The following TIAM1 variants were observed in gnomAD, a reference collection of about 807,000 sequenced individuals.
TIAM1 encodes TIAM Rac1 associated GEF 1.
Under a neutral mutation model 163.5 loss-of-function variants are expected in TIAM1, and 65 were observed. The observed-to-expected ratio is 0.40, with a 90% CI of 0.33 to 0.49. The LOEUF (loss-of-function observed/expected upper bound fraction) is 0.49. TIAM1 is among the 20% of genes least tolerant of loss of function. The pLI is 0.77. For synonymous variants in TIAM1, 833 were observed against 810.1 expected (o/e 1.03, Z -0.48); for missense variants, 1,789 against 2,044.7 (o/e 0.87, Z 2.41).
intron 1 of TIAM1, among the ~76,000 whole-genome samples, chr21:31,475,346 G>A (rs1025099211): frequency 1.3e-5 from 2 of 152,060 alleles, no homozygotes; most frequent in African/African-American, 4.8e-5. Flanking sequence ...CTGATTACAG[G>A]AGTAAGCCAC....
rs143081202 is a variant in TIAM1 at position 31,191,963 on chromosome 21, AG to A, written c.2575+3260del. The stretch of plus-strand genomic sequence containing the variant: ...AAAATTAAGTAAACTGAAGAGAAAA[AG>A]AATAATCATTATGGAGCATCTAATT... On this transcript the variant is annotated intron_variant, in intron 13 of 27. Coordinates refer to ENST00000541036, the MANE Select transcript of TIAM1 (RefSeq NM_001353694.2). Among the ~76,000 whole-genome samples, 702 of 152,296 alleles carry A rather than the reference AG, an allele frequency of 4.6e-3. 6 individuals carry two copies. The highest frequency in any genetic ancestry group is 0.016 in the African/African-American group (649 of 41,558).
In TIAM1 at chr21:31,152,463, G is replaced by A. The variant is rs59107776; in HGVS notation, c.3366+173C>T. Among the ~76,000 whole-genome samples, 717 of 152,308 alleles carry A rather than the reference G, an allele frequency of 4.7e-3. 6 individuals are homozygous for A. The highest frequency in any genetic ancestry group is 0.016 in the African/African-American group (684 of 41,562). ...TGCACCAGTTTAATGCAAATTGATG[G>A]CATTGGGCTTCCCTTAGCCAGACCA... On this transcript the variant is annotated intron_variant, in intron 19 of 27. Coordinates refer to ENST00000541036, the MANE Select transcript of TIAM1 (RefSeq NM_001353694.2).
Position 31,266,309 on chromosome 21 carries a change from G to A in TIAM1, c.664C>T (p.Gln222Ter). The change falls in exon 4 of 28, where the codon CAG becomes TAG. Residue 222 changes from glutamine (Q) to a stop codon, truncating the protein, a stop_gained. Transcript: ENST00000541036. LOFTEE classifies it high-confidence loss of function. ...RGMETRASPRQLSTCQRANSL... is the reference protein window; with the variant it reads ...RGMETRASPR ...TTGGCTCTCTGACAGGTGCTGAGCT[G>A]CCGCGGACTCGCCCGCGTTTCCATC... 6.2e-7 allele frequency: 1 copy of A among 1,614,226 alleles called. No individual in the cohort carries two copies. The highest frequency in any genetic ancestry group is 8.5e-7 in the Non-Finnish European group (1 of 1,180,048).
intron 1 of TIAM1, among the ~76,000 whole-genome samples, 190 bp downstream of exon 1, chr21:31,343,948 C>T (rs981860460): frequency 1.1e-4 from 16 of 152,322 alleles, no homozygotes; most frequent in Admixed American, 8.5e-4. Context: ...AGCCTCGGGG[C>T]GCAGCTTGGA....
intron 1 of TIAM1, among the ~76,000 whole-genome samples, chr21:31,492,196 T>C (rs1364856823): frequency 1.3e-5 from 2 of 152,196 alleles, no homozygotes; most frequent in Non-Finnish European, 2.9e-5. Flanking sequence ...AGCTGGGAAC[T>C]ACATCAGGTA....
At chr21:31,544,719 A>G (rs2048432668) in intron 1 of TIAM1, among the ~76,000 whole-genome samples, 1 of 151,758 alleles carries the variant, frequency 6.6e-6, no homozygotes, top group African/African-American at 2.4e-5. Context: ...AAAAAAAGAT[A>G]TGTCAAAATC....
At chr21:31,434,719 G>A (rs747222286) in intron 2 of TIAM1, among the ~76,000 whole-genome samples, 2 of 152,100 alleles carry the variant, frequency 1.3e-5, no homozygotes, top group Non-Finnish European at 2.9e-5. Context: ...AGTCCCAAAC[G>A]CGATAGCTCA....
Position 31,141,132 on chromosome 21 carries a change from CA to C in TIAM1, c.3759del (p.Gly1254ValfsTer9). The C allele has an allele frequency of 6.2e-7, 1 of 1,612,570 alleles. No homozygotes were observed. Among genetic ancestry groups the C allele is most frequent in the East Asian group, 2.2e-5 (1 of 44,874 alleles). On this transcript the variant is annotated frameshift_variant, in exon 22 of 28. Transcript: ENST00000541036. LOFTEE classifies it high-confidence loss of function. The surrounding 1 kb of genome is among the most constrained non-coding windows in gnomAD (Gnocchi z 4.7). Reference protein sequence around the residue: ...AVFDQLIAEQTGEKKEVADLS... With the variant: ...AVFDQLIAEQXGEKKEVADLS... ...GGGACCCTCACCTCTTTTTTCTCAC[CA>C]GTCTGTTCAGCAATCAGCTGGTCAA...
At chr21:31,340,242 C>A (rs2075973293) in intron 1 of TIAM1, among the ~76,000 whole-genome samples, 1 of 151,648 alleles carries the variant, frequency 6.6e-6, no homozygotes, top group Admixed American at 6.6e-5. Flanking sequence ...TCCTTATACC[C>A]TAGGACCTTG....
intron 2 of TIAM1, among the ~76,000 whole-genome samples, chr21:31,390,300 T>G (rs1292100155): frequency 6.6e-6 from 1 of 152,210 alleles, no homozygotes; most frequent in East Asian, 1.9e-4. Flanking sequence ...CTAAAGCAAT[T>G]TGAGAATCTC....
chr21:31,373,055 C>CAAA (rs71193110), intron 2 of TIAM1, among the ~76,000 whole-genome samples: 15 of 104,666 alleles, frequency 1.4e-4, no homozygotes, highest in African/African-American at 4.4e-4. Flanking sequence ...AACTCTGTCT[C>CAAA]AAAAAAAAAA....
chr21:31,261,043 T>TTA (rs1601741581), intron 4 of TIAM1, among the ~76,000 whole-genome samples: 1 of 151,210 alleles, frequency 6.6e-6, no homozygotes, highest in East Asian at 1.9e-4. Flanking sequence ...AAACAAAACT[T>TTA]TAAACATCAA....
intron 1 of TIAM1, among the ~76,000 whole-genome samples, chr21:31,535,082 CCT>C (rs1569418395): frequency 7.2e-6 from 1 of 138,382 alleles, no homozygotes; most frequent in African/African-American, 2.7e-5. Context: ...AGAGGAAGAC[CCT>C]GTCTCAAAAA....
At chr21:31,382,567 T>C (rs903195362) in intron 2 of TIAM1, among the ~76,000 whole-genome samples, 1 of 152,164 alleles carries the variant, frequency 6.6e-6, no homozygotes, top group Non-Finnish European at 1.5e-5. Context: ...AAAGACTGAC[T>C]ACCTCCAATG....
intron 2 of TIAM1, among the ~76,000 whole-genome samples, chr21:31,313,858 T>A (rs2075017318): frequency 6.6e-6 from 1 of 152,238 alleles, no homozygotes; most frequent in Non-Finnish European, 1.5e-5. Flanking sequence ...ATTACAGGCA[T>A]GAGCCACTGT....
chr21:31,291,960 G>T (rs1316222138), intron 2 of TIAM1, among the ~76,000 whole-genome samples: 1 of 152,104 alleles, frequency 6.6e-6, no homozygotes, highest in Non-Finnish European at 1.5e-5. Context: ...CACCTCCTGG[G>T]ATTATCCTAC....
intron 2 of TIAM1, among the ~76,000 whole-genome samples, chr21:31,425,768 C>T (rs755905727): frequency 1.1e-4 from 17 of 151,820 alleles, no homozygotes; most frequent in Non-Finnish European, 1.6e-4. Flanking sequence ...GAGATCTCAG[C>T]TCATTGCAAC....
chr21:31,557,524 A>G (rs2048921551), intron 1 of TIAM1, among the ~76,000 whole-genome samples: 1 of 152,178 alleles, frequency 6.6e-6, no homozygotes, highest in Non-Finnish European at 1.5e-5. Flanking sequence ...GGGATCACCC[A>G]GCTTGTGAGT....
chr21:31,423,577 T>C (rs563766686), intron 2 of TIAM1, among the ~76,000 whole-genome samples: 44 of 151,930 alleles, frequency 2.9e-4, no homozygotes, highest in African/African-American at 9.9e-4. Context: ...GCCTGTGAGC[T>C]CTCTGCAGCC....
Sources: allele counts gnomAD v4.1 joint callset (sites outside exome capture counted in the v4.1 genomes callset), GRCh38; gene constraint gnomAD v4.1.1; non-coding constraint Gnocchi (gnomAD v3.1); transcripts MANE v1.5; gene names NCBI Gene and HGNC (gene_info 2026-07-23, HGNC 2026-07-21).